Variants in DIP2B observed in about 807,000 individuals in gnomAD.
DIP2B encodes DIP2 acetate--CoA ligase B (putative).
DIP2B carries 76 observed loss-of-function variants against 198.0 expected under a neutral mutation model. That is an observed-to-expected ratio of 0.38 (90% confidence interval 0.32 to 0.46). The LOEUF (loss-of-function observed/expected upper bound fraction) is 0.46, where lower values mean the gene tolerates loss of function less well. Ranked by LOEUF, DIP2B falls within the 20% of genes least tolerant of loss-of-function variation. DIP2B has a pLI of 0.99. For missense variants in DIP2B, 1,559 were observed against 1,978.4 expected, an observed-to-expected ratio of 0.79 and a Z score of 4.02; for synonymous variants, 701 against 739.1, an observed-to-expected ratio of 0.95 and a Z score of 0.84.
chr12:50,738,430 G>A (rs148268753), intron 35 of DIP2B, among the ~76,000 whole-genome samples: 2 of 152,120 alleles, frequency 1.3e-5, no homozygotes, highest in Admixed American at 6.6e-5. Flanking sequence ...TCCACTTTGA[G>A]GCCAGGAGTT....
chr12:50,679,842 T>C (rs1231002987), intron 8 of DIP2B: 2 of 152,216 alleles, frequency 1.3e-5, no homozygotes, highest in East Asian at 3.8e-4. Context: ...ATTACAGCAG[T>C]ATGGAATGTT....
At chr12:50,634,752 A>AT (rs1938126290) in intron 2 of DIP2B, among the ~76,000 whole-genome samples, 1 of 151,754 alleles carries the variant, frequency 6.6e-6, no homozygotes, top group African/African-American at 2.4e-5. Context: ...ATTATTTTTT[A>AT]TTTTTTTTTA....
intron 2 of DIP2B, among the ~76,000 whole-genome samples, chr12:50,637,536 A>G (rs922809134): frequency 1.3e-5 from 2 of 152,190 alleles, no homozygotes; most frequent in East Asian, 3.8e-4. Context: ...AAACTCTAAT[A>G]CAAGTTAAAT....
At chr12:50,510,898 G>A (rs1007181396) in intron 1 of DIP2B, among the ~76,000 whole-genome samples, 1 of 150,870 alleles carries the variant, frequency 6.6e-6, no homozygotes, top group Non-Finnish European at 1.5e-5. Context: ...GCCCACCTCG[G>A]CCTCCCAAAG....
intron 1 of DIP2B, among the ~76,000 whole-genome samples, chr12:50,622,650 C>T (rs1395713508): frequency 1.3e-5 from 2 of 152,112 alleles, no homozygotes; most frequent in African/African-American, 4.8e-5. Context: ...CTCTTGTTGC[C>T]CAGGCTGGAG....
chr12:50,509,876 T>C (rs997917300), intron 1 of DIP2B, among the ~76,000 whole-genome samples: 7 of 152,188 alleles, frequency 4.6e-5, no homozygotes, highest in African/African-American at 1.7e-4. Flanking sequence ...TTGTAACATC[T>C]GATGCTAGGA....
intron 21 of DIP2B, 68 bp downstream of exon 21, chr12:50,706,733 T>C (rs1190594413): frequency 6.4e-7 from 1 of 1,555,804 alleles, no homozygotes; most frequent in Non-Finnish European, 8.8e-7. Context: ...ACATGGTGAT[T>C]TCAGTGGTAT....
At chr12:50,542,258 A>G (rs1958333197) in intron 1 of DIP2B, among the ~76,000 whole-genome samples, 1 of 151,256 alleles carries the variant, frequency 6.6e-6, no homozygotes. Context: ...CAAAAAAAAA[A>G]AAAAAAAGAA....
At chr12:50,618,240 G>A (rs548735837) in intron 1 of DIP2B, among the ~76,000 whole-genome samples, 7 of 152,322 alleles carry the variant, frequency 4.6e-5, no homozygotes, top group African/African-American at 1.4e-4. Flanking sequence ...ATTTTTTGAA[G>A]AGTGAAGTAA....
In DIP2B at chr12:50,545,066, G is replaced by C. The variant is rs79831358; in HGVS notation, c.100+39826G>C. 4.0e-3 allele frequency among the ~76,000 whole-genome samples: 614 copies of C among 152,222 alleles called. 7 individuals are homozygous for C. The highest frequency in any genetic ancestry group is 0.014 in the African/African-American group (580 of 41,534). ...CTGTACCACATTCATTTATTCTATTGTTGGTGAGCATTTGGTTTGTTTCCA... is the reference window on the plus strand; with the variant it reads ...CTGTACCACATTCATTTATTCTATTCTTGGTGAGCATTTGGTTTGTTTCCA... On this transcript the variant is annotated intron_variant, in intron 1 of 37. Transcript: ENST00000301180.
intron 20 of DIP2B, among the ~76,000 whole-genome samples, chr12:50,704,521 G>A (rs1452261597): frequency 1.3e-5 from 2 of 151,880 alleles, no homozygotes; most frequent in African/African-American, 2.4e-5. Flanking sequence ...TCACTATCTC[G>A]CTCTGATTTG....
At chr12:50,697,560 T>A (rs895146871) in intron 17 of DIP2B, among the ~76,000 whole-genome samples, 4 of 132,572 alleles carry the variant, frequency 3.0e-5, no homozygotes, top group Non-Finnish European at 4.9e-5. Flanking sequence ...TTTTTTTTTT[T>A]AGATAGGATC....
intron 12 of DIP2B, 109 bp from the exon 13 acceptor site, chr12:50,690,940 A>T (rs984707444): frequency 4.1e-5 from 34 of 826,828 alleles, no homozygotes; most frequent in Non-Finnish European, 5.9e-5. Context: ...AACATGTTAA[A>T]TTCAGCCCAT....
chr12:50,639,433 C>A (rs554944708), intron 2 of DIP2B, among the ~76,000 whole-genome samples: 1 of 152,000 alleles, frequency 6.6e-6, no homozygotes, highest in Non-Finnish European at 1.5e-5. Context: ...AGAGCCTCAA[C>A]ACATGGCCTT....
At chr12:50,516,491 T>C (rs1037894772) in intron 1 of DIP2B, among the ~76,000 whole-genome samples, 3 of 152,146 alleles carry the variant, frequency 2.0e-5, no homozygotes, top group East Asian at 1.9e-4. Flanking sequence ...TGGCCATGAA[T>C]GATACTCCCA....
chr12:50,579,712 T>C (rs865879974), intron 1 of DIP2B, among the ~76,000 whole-genome samples: 3 of 98,604 alleles, frequency 3.0e-5, no homozygotes, highest in African/African-American at 7.7e-5. Flanking sequence ...TATATATATA[T>C]ATATATACAT....
intron 1 of DIP2B, among the ~76,000 whole-genome samples, chr12:50,569,650 C>G (rs573448047): frequency 1.3e-5 from 2 of 152,286 alleles, no homozygotes. Flanking sequence ...AGACTGTTTT[C>G]TTTTGACTTC....
At chr12:50,676,826 A>G (rs1938954619) in intron 7 of DIP2B, among the ~76,000 whole-genome samples, 1 of 152,246 alleles carries the variant, frequency 6.6e-6, no homozygotes. Flanking sequence ...TGTCCAAACA[A>G]ATACAATACT....
intron 23 of DIP2B, 72 bp downstream of exon 23, chr12:50,714,668 C>T: frequency 6.4e-7 from 1 of 1,563,212 alleles, no homozygotes; most frequent in Non-Finnish European, 8.7e-7. Flanking sequence ...CAGTGTGATT[C>T]TTTCTCTACA....
Sources: gnomAD v4.1 joint callset for allele counts (sites outside exome capture counted in the v4.1 genomes callset) on GRCh38, gnomAD v4.1.1 for gene constraint, MANE v1.5 for transcripts, NCBI Gene and HGNC (gene_info 2026-07-23, HGNC 2026-07-21) for gene names.